The following FNDC3A variants were observed in gnomAD, a reference collection of about 807,000 sequenced individuals.
FNDC3A encodes fibronectin type III domain containing 3A.
Under a neutral mutation model 148.9 loss-of-function variants are expected in FNDC3A, and 32 were observed. That is an observed-to-expected ratio of 0.21 (90% CI 0.16 to 0.29). FNDC3A has a LOEUF of 0.29. Among genes scored for constraint, FNDC3A ranks in the 10% least tolerant of loss-of-function variants. FNDC3A has a pLI of 1.00. For missense variants in FNDC3A, 1,191 were observed against 1,452.8 expected (o/e 0.82, Z 2.93); for synonymous variants, 472 against 473.6 (o/e 1.00, Z 0.04).
At chr13:48,994,814 G>C (rs1325441434) in intron 1 of FNDC3A, among the ~76,000 whole-genome samples, 1 of 151,998 alleles carries the variant, frequency 6.6e-6, no homozygotes, top group Non-Finnish European at 1.5e-5. Context: ...TGAAGTTTTG[G>C]AATGTCTTAG....
At position 49,131,233 on chromosome 13, in the gene FNDC3A, C is replaced by A. The variant is rs748161186; in HGVS notation, c.349C>A (p.Pro117Thr). The A allele has an allele frequency of 6.2e-7, 1 of 1,614,124 alleles. No homozygotes were observed. The highest frequency in any genetic ancestry group is 8.5e-7 in the Non-Finnish European group (1 of 1,180,000). ...SHTVLHRSPH[P>T]PLPGFIPVPT... ...CACAGTTCTCCACCGTTCTCCACAT[C>A]CTCCTCTACCTGGTTTCATTCCTGT... Residue 117 changes from proline to threonine, a missense_variant, in exon 5 of 26, where the codon CCT becomes ACT. Physicochemically the swap from Pro to Thr is conservative, Grantham distance 38. Coordinates refer to ENST00000492622, the MANE Select transcript of FNDC3A (RefSeq NM_001079673.2).
chr13:49,092,287 G>A (rs1879239854), intron 3 of FNDC3A, among the ~76,000 whole-genome samples: 1 of 152,222 alleles, frequency 6.6e-6, no homozygotes, highest in Non-Finnish European at 1.5e-5. Context: ...ATACCCAGAT[G>A]AGGAATGTGT....
rs200997716 is a variant in FNDC3A, at chr13:49,131,391, T to C, written c.490+17T>C. 8.3e-5 allele frequency: 125 copies of C among 1,511,960 alleles called. No homozygotes were observed. The African/African-American group carries it at 1.6e-3, about 19-fold the overall frequency. 93.7% of individuals were successfully genotyped at this position (1,511,960 alleles called of 1,614,324 possible). On this transcript the variant is annotated intron_variant, in intron 5 of 25. Transcript: ENST00000492622. ...GAGATGTAGGTAAGACATCTAAAAGTATTCCACTGTTATTGAGTTGGATAT... is the reference window on the plus strand; with the variant it reads ...GAGATGTAGGTAAGACATCTAAAAGCATTCCACTGTTATTGAGTTGGATAT...
chr13:49,003,191 A>G (rs4942795), intron 1 of FNDC3A, among the ~76,000 whole-genome samples: 94,147 of 151,820 alleles, frequency 0.62, 29,841 homozygotes, highest in Non-Finnish European at 0.68. Flanking sequence ...TCAGCCTCCC[A>G]AGTAGCTGGA....
At chr13:49,191,459 C>T in intron 19 of FNDC3A, 75 bp downstream of exon 19, 6 of 1,257,574 alleles carry the variant, frequency 4.8e-6, no homozygotes, top group Non-Finnish European at 6.5e-6. Context: ...TCATCATATC[C>T]ATTATTTGGC....
intron 2 of FNDC3A, chr13:49,045,972 A>T (rs1206759353): frequency 5.6e-6 from 1 of 179,386 alleles, no homozygotes; most frequent in African/African-American, 2.4e-5. Flanking sequence ...TCAATTAAGA[A>T]ATTTTATCAT....
At chr13:49,081,225 A>T (rs528467738) in intron 3 of FNDC3A, among the ~76,000 whole-genome samples, 3 of 152,296 alleles carry the variant, frequency 2.0e-5, no homozygotes. Context: ...GGGGTTTTGC[A>T]TTGTTATGGC....
chr13:49,123,500 A>T, intron 4 of FNDC3A, among the ~76,000 whole-genome samples: 1 of 152,268 alleles, frequency 6.6e-6, no homozygotes, highest in East Asian at 1.9e-4. Context: ...GACAAACGAG[A>T]TCTAATTAAA....
chr13:49,197,695 T>A (rs1886220380), intron 20 of FNDC3A, 30 bp from the exon 21 acceptor site: 1 of 1,581,874 alleles, frequency 6.3e-7, no homozygotes, highest in Non-Finnish European at 8.5e-7. Flanking sequence ...ACATCAAGAC[T>A]AAGACCTTTA....
intron 7 of FNDC3A, among the ~76,000 whole-genome samples, chr13:49,143,838 A>G (rs1002958168): frequency 6.6e-6 from 1 of 152,020 alleles, no homozygotes; most frequent in Non-Finnish European, 1.5e-5. Context: ...ATCCTGATAA[A>G]GCAAGCTTCA....
chr13:49,090,426 AAAC>A (rs1879109123), intron 3 of FNDC3A, among the ~76,000 whole-genome samples: 1 of 152,148 alleles, frequency 6.6e-6, no homozygotes, highest in African/African-American at 2.4e-5. Flanking sequence ...AAACAAAACA[AAAC>A]AAAAAAACAA....
intron 5 of FNDC3A, 84 bp from the exon 6 acceptor site, chr13:49,136,248 G>C: frequency 1.7e-6 from 2 of 1,172,868 alleles, no homozygotes; most frequent in Non-Finnish European, 2.4e-6. Context: ...TTATATGATA[G>C]ATTTATTTTC....
chr13:49,158,164 A>G (rs1403140050), intron 8 of FNDC3A, among the ~76,000 whole-genome samples: 1 of 151,962 alleles, frequency 6.6e-6, no homozygotes, highest in East Asian at 1.9e-4. Context: ...TGTGCTAGCA[A>G]TCTGTGAGAC....
chr13:49,117,099 T>G (rs1387953476), intron 4 of FNDC3A, among the ~76,000 whole-genome samples: 2 of 152,206 alleles, frequency 1.3e-5, no homozygotes, highest in Non-Finnish European at 2.9e-5. Flanking sequence ...ATATCCTCAA[T>G]GCCAAGTATA....
At chr13:49,147,515 G>GAACTTAA in intron 8 of FNDC3A, among the ~76,000 whole-genome samples, 1 of 151,776 alleles carries the variant, frequency 6.6e-6, no homozygotes, top group East Asian at 1.9e-4. Context: ...ATGAAATAGG[G>GAACTTAA]AATCGTGATT....
At chr13:49,060,233 T>G (rs1178505305) in intron 2 of FNDC3A, among the ~76,000 whole-genome samples, 1 of 152,254 alleles carries the variant, frequency 6.6e-6, no homozygotes, top group African/African-American at 2.4e-5. Flanking sequence ...CATGAATGTT[T>G]ATAGCAGCAC....
At chr13:49,126,745 G>GA (rs1235630602) in intron 4 of FNDC3A, among the ~76,000 whole-genome samples, 3 of 152,094 alleles carry the variant, frequency 2.0e-5, no homozygotes, top group African/African-American at 7.2e-5. Flanking sequence ...TTCTCCATCT[G>GA]AAAAATTGAA....
At chr13:48,984,047 A>G (rs1951745308) in intron 1 of FNDC3A, among the ~76,000 whole-genome samples, 1 of 152,198 alleles carries the variant, frequency 6.6e-6, no homozygotes, top group Non-Finnish European at 1.5e-5. Context: ...GCTATAAGAT[A>G]AAGTTAGAAA....
Position 49,191,353 on chromosome 13 carries a change from G to A in FNDC3A, c.2195G>A (p.Ser732Asn), listed in dbSNP as rs1187990487. Reference sequence around the variant, plus strand: ...AGCCTTCTTCCTGGAAAGACATACAGCTTCAGACTACGTGCAGCTAACAAA... The same window carrying A: ...AGCCTTCTTCCTGGAAAGACATACAACTTCAGACTACGTGCAGCTAACAAA... Reference protein sequence around the residue: ...VSSLLPGKTYSFRLRAANKMG... With the variant: ...VSSLLPGKTYNFRLRAANKMG... The change falls in exon 19 of 26, where the codon AGC becomes AAC. Residue 732 changes from serine (S) to asparagine (N), a missense_variant. Ser to Asn is a conservative substitution (Grantham distance 46, BLOSUM62 1). Around this residue, in one of 3 missense-constraint regions of FNDC3A, gnomAD observed 751 missense variants for 944.0 expected, o/e 0.80. Transcript: ENST00000492622. 6.2e-7 allele frequency: 1 copy of A among 1,606,454 alleles called. No homozygotes were observed. The highest frequency in any genetic ancestry group is 1.7e-5 in the Admixed American group (1 of 57,566).
Sources: gnomAD v4.1 joint callset for allele counts (sites outside exome capture counted in the v4.1 genomes callset) on GRCh38, gnomAD v4.1.1 for gene constraint, gnomAD v4.1.1 regional missense constraint, MANE v1.5 for transcripts, NCBI Gene and HGNC (gene_info 2026-07-23, HGNC 2026-07-21) for gene names.